Variants in LRP1B observed in about 807,000 individuals in gnomAD.
The protein encoded by LRP1B is low-density lipoprotein receptor-related protein 1B.
Under a neutral mutation model 556.6 loss-of-function variants are expected in LRP1B, and 217 were observed. The observed-to-expected ratio is 0.39, with a 90% confidence interval of 0.35 to 0.44. The LOEUF is 0.44. LRP1B is among the 20% of genes least tolerant of loss of function. The pLI, the probability that LRP1B is intolerant of heterozygous loss-of-function variation, is 1.00. For missense variants in LRP1B, 5,053 were observed against 5,620.8 expected (o/e 0.90, Z 3.23); for synonymous variants, 2,047 against 1,865.8 (o/e 1.10, Z -2.50).
intron 18 of LRP1B, among the ~76,000 whole-genome samples, chr2:140,974,660 C>A (rs1188605588): frequency 6.6e-6 from 1 of 152,132 alleles, no homozygotes; most frequent in Non-Finnish European, 1.5e-5. Flanking sequence ...AGTTAAAAAA[C>A]AAAAGCATGT....
chr2:140,734,124 G>T (rs1687868883), intron 35 of LRP1B, among the ~76,000 whole-genome samples: 2 of 152,212 alleles, frequency 1.3e-5, no homozygotes, highest in South Asian at 4.1e-4. Context: ...TTGAGTATTT[G>T]CTACTGCGAA....
chr2:140,266,588 C>A (rs927331339), intron 86 of LRP1B, among the ~76,000 whole-genome samples: 30 of 151,988 alleles, frequency 2.0e-4, no homozygotes, highest in African/African-American at 6.5e-4. Flanking sequence ...TCCTGTTGTG[C>A]ATATAACCTT....
Position 140,587,886 on chromosome 2 carries a change from A to G in LRP1B, c.7194+10745T>C, listed in dbSNP as rs192805340. On this transcript the variant is annotated intron_variant, in intron 43 of 90. Coordinates refer to ENST00000389484, the MANE Select transcript of LRP1B (RefSeq NM_018557.3). ...TACATAGAAGAAAACAATTTTAATA[A>G]TAATAGATATCTCATCAGAAATCAC... 8.3e-4 allele frequency among the ~76,000 whole-genome samples: 126 copies of G among 151,442 alleles called. 1 individual carries two copies. Among genetic ancestry groups the G allele is most frequent in the Middle Eastern group, 3.5e-3 (1 of 286 alleles).
At chr2:141,951,359 C>T (rs1701101264) in intron 1 of LRP1B, among the ~76,000 whole-genome samples, 1 of 152,108 alleles carries the variant, frequency 6.6e-6, no homozygotes, top group South Asian at 2.1e-4. Context: ...AACTCCGAGT[C>T]CCCAAAGTCC....
chr2:141,937,548 C>A (rs1700672680), intron 1 of LRP1B, among the ~76,000 whole-genome samples: 2 of 151,706 alleles, frequency 1.3e-5, no homozygotes, highest in Admixed American at 1.3e-4. Context: ...CCAAGCAACA[C>A]TACCTGAAAT....
intron 1 of LRP1B, among the ~76,000 whole-genome samples, chr2:142,084,789 C>T (rs1441743861): frequency 1.3e-5 from 2 of 152,146 alleles, no homozygotes; most frequent in African/African-American, 2.4e-5. Context: ...AAAAGCTGTA[C>T]TTTAAAAGAA....
At chr2:141,344,154 G>A (rs1156845316) in intron 3 of LRP1B, among the ~76,000 whole-genome samples, 1 of 152,116 alleles carries the variant, frequency 6.6e-6, no homozygotes, top group Non-Finnish European at 1.5e-5. Context: ...TTAGGTCAAA[G>A]GGTAAATCTC....
chr2:140,479,286 A>G (rs1175109187), intron 59 of LRP1B, among the ~76,000 whole-genome samples: 1 of 152,164 alleles, frequency 6.6e-6, no homozygotes, highest in African/African-American at 2.4e-5. Flanking sequence ...TTCTGAAATG[A>G]AACCCTTAAA....
chr2:140,804,107 G>A (rs188256667), intron 32 of LRP1B, among the ~76,000 whole-genome samples: 29 of 151,886 alleles, frequency 1.9e-4, no homozygotes, highest in Admixed American at 1.4e-3. Context: ...CATGTAAAGC[G>A]GACTTGCATT....
At chr2:141,246,594 T>C (rs1684076004) in intron 5 of LRP1B, among the ~76,000 whole-genome samples, 1 of 152,190 alleles carries the variant, frequency 6.6e-6, no homozygotes, top group Non-Finnish European at 1.5e-5. Flanking sequence ...GAAACTATCA[T>C]AGTAGTCCAG....
intron 77 of LRP1B, among the ~76,000 whole-genome samples, chr2:140,338,947 G>C (rs1483006335): frequency 6.6e-6 from 1 of 151,752 alleles, no homozygotes; most frequent in East Asian, 2.0e-4. Flanking sequence ...TCCTGTTTGA[G>C]AGACTGCAGA....
At chr2:141,695,415 T>TA (rs1393001878) in intron 2 of LRP1B, among the ~76,000 whole-genome samples, 2 of 151,996 alleles carry the variant, frequency 1.3e-5, no homozygotes, top group Non-Finnish European at 2.9e-5. Context: ...ATAGTGATAA[T>TA]AATGTCATAA....
chr2:141,177,954 C>A (rs1680810261), intron 7 of LRP1B, among the ~76,000 whole-genome samples: 4 of 151,922 alleles, frequency 2.6e-5, no homozygotes, highest in Non-Finnish European at 5.9e-5. Context: ...AAAGAGAAAG[C>A]CAAGGGAGTG....
chr2:141,653,902 T>A (rs1009390401), intron 2 of LRP1B, among the ~76,000 whole-genome samples: 2 of 152,204 alleles, frequency 1.3e-5, no homozygotes, highest in African/African-American at 4.8e-5. Context: ...ACTGTCACAC[T>A]TTCTCTTAAG....
chr2:141,963,708 A>G (rs12691629), intron 1 of LRP1B, among the ~76,000 whole-genome samples: 121,081 of 142,464 alleles, frequency 0.85, 51,547 homozygotes, highest in East Asian at 0.99. Flanking sequence ...CTCTCTCACC[A>G]CTCCTATTCA....
chr2:141,496,836 AAAG>A (rs921250693), intron 2 of LRP1B, among the ~76,000 whole-genome samples: 54 of 152,178 alleles, frequency 3.5e-4, no homozygotes, highest in African/African-American at 1.1e-3. Context: ...AATTATGAAA[AAAG>A]AAGAAGAACC....
rs774505782 is a variant in LRP1B, at chr2:141,059,036, T to C, written c.1255A>G (p.Ile419Val). 3.2e-6 allele frequency: 5 copies of C among 1,568,928 alleles called. No individual in the cohort carries two copies. Among genetic ancestry groups the C allele is most frequent in the Non-Finnish European group, 4.3e-6 (5 of 1,156,654 alleles). Residue 419 changes from isoleucine to valine, a missense_variant, in exon 9 of 91, where the codon ATA becomes GTA. Transcript: ENST00000389484. The stretch of plus-strand genomic sequence containing the variant: ...TACAAATAATCTTCAAACACAGTTA[T>C]ACCATAAAGATGTCTAACCTATAAA... ...QGRQVRHLYG[I>V]TVFEDYLYAT... is the part of the protein sequence containing the mutation.
At chr2:142,079,244 A>ATAAG in intron 1 of LRP1B, among the ~76,000 whole-genome samples, 2 of 152,310 alleles carry the variant, frequency 1.3e-5, no homozygotes, top group South Asian at 4.1e-4. Context: ...TTTCACAGAT[A>ATAAG]TAAGCACTTT....
intron 43 of LRP1B, among the ~76,000 whole-genome samples, chr2:140,581,544 G>A (rs59447960): frequency 0.2 from 30,313 of 151,538 alleles, 3,206 homozygotes; most frequent in Admixed American, 0.27. Context: ...ATGTCTTCAC[G>A]TTTTTTGTCC....
Sources: gnomAD v4.1 joint callset for allele counts (sites outside exome capture counted in the v4.1 genomes callset) on GRCh38, gnomAD v4.1.1 for gene constraint, MANE v1.5 for transcripts, NCBI Gene and HGNC (gene_info 2026-07-23, HGNC 2026-07-21) for gene names.